The following ITGA2 variants were observed in gnomAD, a reference collection of about 807,000 sequenced individuals.
ITGA2 encodes the protein integrin subunit alpha 2.
In ITGA2, 101 loss-of-function variants were observed where a neutral mutation model predicts 146.3. That is an observed-to-expected ratio of 0.69 (90% CI 0.59 to 0.81). ITGA2 has a LOEUF of 0.81. Among genes scored for constraint, ITGA2 ranks in the 40% least tolerant of loss-of-function variants. The probability of loss-of-function intolerance (pLI) is 0.00; values close to 1 mark genes in which losing one functional copy is unlikely to be tolerated. For missense variants in ITGA2, 1,281 were observed against 1,402.7 expected (o/e 0.91, Z 1.39); for synonymous variants, 477 against 487.1 (o/e 0.98, Z 0.27).
At chr5:53,000,166 T>C (rs997150981) in intron 1 of ITGA2, among the ~76,000 whole-genome samples, 2 of 152,226 alleles carry the variant, frequency 1.3e-5, no homozygotes, top group Non-Finnish European at 2.9e-5. Context: ...CACATAGATA[T>C]AGTTCTTTTG....
chr5:53,020,848 ATT>A (rs532121575), intron 1 of ITGA2, among the ~76,000 whole-genome samples: 13 of 133,386 alleles, frequency 9.7e-5, no homozygotes, highest in Admixed American at 1.5e-4. Context: ...TGTCCGGCTA[ATT>A]TTTTTTTTTT....
At chr5:53,041,209 C>G (rs1309724391) in intron 2 of ITGA2, among the ~76,000 whole-genome samples, 1 of 152,008 alleles carries the variant, frequency 6.6e-6, no homozygotes, top group Non-Finnish European at 1.5e-5. Context: ...AAACTGATAC[C>G]TGGGCTCTTT....
intron 1 of ITGA2, among the ~76,000 whole-genome samples, chr5:53,021,419 T>C (rs1350961728): frequency 2.6e-5 from 4 of 152,228 alleles, no homozygotes; most frequent in African/African-American, 4.8e-5. Context: ...AGCCACCTAC[T>C]TACACACACA....
chr5:53,074,544 A>G (rs1024682123), intron 21 of ITGA2, 67 bp downstream of exon 21: 5 of 1,205,620 alleles, frequency 4.1e-6, no homozygotes, highest in Non-Finnish European at 6.2e-6. Flanking sequence ...ATTTACCAAC[A>G]TAACATCTTG....
intron 1 of ITGA2, among the ~76,000 whole-genome samples, chr5:53,009,994 T>C (rs1001869030): frequency 1.3e-5 from 2 of 152,164 alleles, no homozygotes; most frequent in Non-Finnish European, 2.9e-5. Context: ...GACACTCATA[T>C]TAGGAGTTTC....
chr5:53,015,580 A>G (rs1742364077), intron 1 of ITGA2, among the ~76,000 whole-genome samples: 1 of 152,048 alleles, frequency 6.6e-6, no homozygotes, highest in African/African-American at 2.4e-5. Context: ...GTTTTGGTGT[A>G]GAAAGTTCTT....
intron 26 of ITGA2, among the ~76,000 whole-genome samples, chr5:53,082,459 GGCCACGCTACCTTT>G (rs1468793560): frequency 6.6e-6 from 1 of 152,028 alleles, no homozygotes; most frequent in Non-Finnish European, 1.5e-5. Context: ...AACTGAAGTG[GGCCACGCTACCTTT>G]TGGCCTTGAA....
In ITGA2 at chr5:52,996,624, T is replaced by C. The variant is rs148446090; in HGVS notation, c.64+7092T>C. On this transcript the variant is annotated intron_variant, in intron 1 of 29. Transcript: ENST00000296585. ...GTGGCTGCTTAGATTGATGAGCCCA[T>C]GTATACATTTTGGTTTCAAACATCT... is the stretch of plus-strand genomic sequence containing the variant. Among the ~76,000 whole-genome samples, 4 of 152,354 alleles carry C rather than the reference T, an allele frequency of 2.6e-5. No homozygotes were observed. The East Asian group carries it at 7.7e-4, about 29-fold the overall frequency.
Position 53,072,765 on chromosome 5 carries a change from G to C in ITGA2, c.2429+70G>C, listed in dbSNP as rs1168863831. 14 of 1,252,292 alleles carry C rather than the reference G, an allele frequency of 1.1e-5. No individual in the cohort carries two copies. In the African/African-American group the frequency reaches 1.8e-4, roughly 16 times the overall value. The allele number at this position is 1,252,292 out of a possible 1,614,324, so 77.6% of individuals were successfully genotyped here. ...ACATACTAGATTACTTTATTCAAAC[G>C]AATGTTTATAGAGTTTTTCTACAAA... On this transcript the variant is annotated intron_variant, in intron 19 of 29. Coordinates refer to ENST00000296585, the MANE Select transcript of ITGA2 (RefSeq NM_002203.4).
At chr5:52,998,890 A>C (rs1397184241) in intron 1 of ITGA2, among the ~76,000 whole-genome samples, 1 of 152,198 alleles carries the variant, frequency 6.6e-6, no homozygotes, top group Non-Finnish European at 1.5e-5. Context: ...AAAAATTTCT[A>C]CTTCTTTCCA....
chr5:52,994,604 C>T (rs716436), intron 1 of ITGA2, among the ~76,000 whole-genome samples: 37,094 of 152,144 alleles, frequency 0.24, 5,515 homozygotes, highest in Non-Finnish European at 0.33. Flanking sequence ...GCGATGTCAA[C>T]TAGCTTAAGG....
chr5:53,062,930 G>GT lies in ITGA2; in HGVS notation c.1602+2dup. ...AGTCTACCTGTTTACTATCAAAGAG[G>GT]TAAAAAAAAAAAAATAAACTAATAG... On this transcript the variant is annotated splice_donor_variant, in intron 13 of 29. Transcript: ENST00000296585. LOFTEE classifies it high-confidence loss of function. 4 of 1,592,214 alleles carry GT rather than the reference G, an allele frequency of 2.5e-6. No homozygotes were observed. Among genetic ancestry groups the GT allele is most frequent in the East Asian group, 2.3e-5 (1 of 44,212 alleles).
Position 53,090,780 on chromosome 5 carries a change from G to T in ITGA2, c.*181G>T. 2 of 460,168 alleles carry T rather than the reference G, an allele frequency of 4.3e-6. No individual in the cohort carries two copies. Among genetic ancestry groups the T allele is most frequent in the Non-Finnish European group, 8.0e-6 (2 of 250,982 alleles). 28.5% of individuals were successfully genotyped at this position (460,168 alleles called of 1,614,324 possible). ...GAAGAAATTGTGGGGGGTGGGGGAGGTGCGGGGGGCAGGTAGGGAAATAAT... is the reference window on the plus strand; with the variant it reads ...GAAGAAATTGTGGGGGGTGGGGGAGTTGCGGGGGGCAGGTAGGGAAATAAT... On this transcript the variant is annotated 3_prime_UTR_variant, in exon 30 of 30. Coordinates refer to ENST00000296585, the MANE Select transcript of ITGA2 (RefSeq NM_002203.4).
At chr5:53,044,447 C>A (rs534815595) in intron 3 of ITGA2, among the ~76,000 whole-genome samples, 1 of 151,788 alleles carries the variant, frequency 6.6e-6, no homozygotes, top group East Asian at 1.9e-4. Flanking sequence ...TTGCAATGTT[C>A]GATAACTCAA....
At chr5:53,014,952 T>A (rs1460770458) in intron 1 of ITGA2, among the ~76,000 whole-genome samples, 3 of 152,146 alleles carry the variant, frequency 2.0e-5, no homozygotes, top group Non-Finnish European at 4.4e-5. Context: ...ATCCCCTTTG[T>A]CATTTCTGAT....
chr5:53,045,829 A>G (rs572826524), intron 4 of ITGA2, among the ~76,000 whole-genome samples: 67 of 152,316 alleles, frequency 4.4e-4, no homozygotes, highest in Admixed American at 1.9e-3. Context: ...GAAGACAAAA[A>G]CACAATCTTA....
intron 1 of ITGA2, among the ~76,000 whole-genome samples, chr5:53,026,076 C>G (rs923747647): frequency 6.6e-5 from 10 of 152,304 alleles, no homozygotes; most frequent in African/African-American, 2.4e-4. Context: ...AAACAAAACA[C>G]TTTTGACAGT....
At chr5:53,057,366 T>C (rs1294852219) in intron 9 of ITGA2, among the ~76,000 whole-genome samples, 1 of 152,050 alleles carries the variant, frequency 6.6e-6, no homozygotes, top group African/African-American at 2.4e-5. Flanking sequence ...AGCTTCCTTT[T>C]GTGAAGATTA....
In ITGA2 at chr5:53,071,918, T is replaced by TTG. The variant is rs769602532; in HGVS notation, c.2236-10_2236-9dup. On this transcript the variant is annotated intron_variant, in intron 17 of 29. Coordinates refer to ENST00000296585, the MANE Select transcript of ITGA2 (RefSeq NM_002203.4). ...ACTGACTCTGTCTCCCCCTGTATGT[T>TTG]TGTGTGTGTGTATGTTTAGGAGCCC... is the stretch of plus-strand genomic sequence containing the variant. The TTG allele has an allele frequency of 5.2e-6, 8 of 1,540,084 alleles. No homozygotes were observed. Among genetic ancestry groups the TTG allele is most frequent in the Admixed American group, 5.0e-5 (3 of 59,608 alleles).
Sources: gnomAD v4.1 joint callset for allele counts (sites outside exome capture counted in the v4.1 genomes callset) on GRCh38, gnomAD v4.1.1 for gene constraint, MANE v1.5 for transcripts, NCBI Gene and HGNC (gene_info 2026-07-23, HGNC 2026-07-21) for gene names.